The following CEP97 variants were observed in gnomAD, a reference collection of about 807,000 sequenced individuals.
CEP97 encodes the protein centrosomal protein 97.
A neutral mutation model predicts 73.1 loss-of-function variants in CEP97; 43 were observed. The observed-to-expected ratio is 0.59, with a 90% CI of 0.46 to 0.76. The LOEUF (loss-of-function observed/expected upper bound fraction) is 0.76, where lower values mean the gene tolerates loss of function less well. Ranked by LOEUF, CEP97 falls within the 30% of genes least tolerant of loss-of-function variation. The probability of loss-of-function intolerance (pLI) is 0.00; values close to 1 mark genes in which losing one functional copy is unlikely to be tolerated. For missense variants in CEP97, 939 were observed against 1,014.0 expected (o/e 0.93, Z 1.00); for synonymous variants, 337 against 370.0 (o/e 0.91, Z 1.02).
intron 9 of CEP97, chr3:101,758,723 A>G (rs1939090553): frequency 3.6e-6 from 1 of 277,808 alleles, no homozygotes. Flanking sequence ...GGTACAGAAA[A>G]CATTGAAAAA....
At position 101,769,948 on chromosome 3, in the gene CEP97, A is replaced by G. The variant is rs1939418978; in HGVS notation, c.*4397A>G. 6.6e-6 allele frequency: 1 copy of G among 152,232 alleles called. No homozygotes were observed. The highest frequency in any genetic ancestry group is 2.4e-5 in the African/African-American group (1 of 41,466). 9.4% of individuals were successfully genotyped at this position (152,232 alleles called of 1,614,324 possible). ...GCTTTTTATCTGTGGATGAATGGAA[A>G]TCACACTGAATTTTAATTCTTATTT... On this transcript the variant is annotated 3_prime_UTR_variant, in exon 11 of 11. Transcript: ENST00000341893.
At chr3:101,729,528 T>C (rs1487713341) in intron 4 of CEP97, among the ~76,000 whole-genome samples, 3 of 152,164 alleles carry the variant, frequency 2.0e-5, no homozygotes, top group African/African-American at 7.2e-5. Flanking sequence ...TCAGTTATTA[T>C]ATAGTACATA....
At chr3:101,737,802 C>T (rs900576495) in intron 6 of CEP97, among the ~76,000 whole-genome samples, 5 of 152,070 alleles carry the variant, frequency 3.3e-5, no homozygotes, top group South Asian at 2.1e-4. Flanking sequence ...AAATAACCAG[C>T]TAGCATCAAA....
intron 6 of CEP97, among the ~76,000 whole-genome samples, chr3:101,747,106 T>C (rs1301126622): frequency 6.7e-6 from 1 of 149,886 alleles, no homozygotes; most frequent in Non-Finnish European, 1.5e-5. Flanking sequence ...TCAACCATTG[T>C]GGAAGTCAGT....
At position 101,762,471 on chromosome 3, in the gene CEP97, T is replaced by C. The variant is rs1939197895; in HGVS notation, c.1818-14T>C. ...CCCTTCCTTATGTCAATAATGTGTTTTGAATTATTGTAGATTACGAAAAGA... is the reference window on the plus strand; with the variant it reads ...CCCTTCCTTATGTCAATAATGTGTTCTGAATTATTGTAGATTACGAAAAGA... On this transcript the variant is annotated splice_polypyrimidine_tract_variant and intron_variant, in intron 9 of 10. Coordinates refer to ENST00000341893, the MANE Select transcript of CEP97 (RefSeq NM_024548.4). 2.6e-6 allele frequency: 4 copies of C among 1,563,442 alleles called. No homozygotes were observed. Among genetic ancestry groups the C allele is most frequent in the Non-Finnish European group, 3.5e-6 (4 of 1,138,686 alleles).
In CEP97 at chr3:101,757,079, T is replaced by C. The variant is rs565761991; in HGVS notation, c.910T>C (p.Leu304=). ...LSKQRFHQRQ[L]MNQSQNEELS... ...GATTTTTAGGTTTCACCAGAGGCAG[T>C]TGATGAACCAAAGCCAAAATGAAGA... The change falls in exon 8 of 11, where the codon TTG becomes CTG. Residue 304 remains leucine, a synonymous_variant. Transcript: ENST00000341893. 3.7e-6 allele frequency: 6 copies of C among 1,610,360 alleles called. No homozygotes were observed. The South Asian group carries it at 4.4e-5, about 12-fold the overall frequency.
intron 6 of CEP97, 37 bp downstream of exon 6, chr3:101,732,691 A>G: frequency 1.9e-6 from 3 of 1,540,756 alleles, no homozygotes; most frequent in Non-Finnish European, 2.7e-6. Context: ...AATGTTACTG[A>G]AAAGACCATT....
At chr3:101,731,780 C>T (rs1253055734) in intron 4 of CEP97, 60 bp from the exon 5 acceptor site, 1 of 951,820 alleles carries the variant, frequency 1.1e-6, no homozygotes, top group Admixed American at 1.9e-5. Flanking sequence ...GGTGTTGTCA[C>T]AATAGGCCAA....
intron 8 of CEP97, 143 bp from the exon 9 acceptor site, chr3:101,757,491 T>A (rs866434048): frequency 6.5e-6 from 5 of 765,850 alleles, no homozygotes; most frequent in Middle Eastern, 3.8e-4. Flanking sequence ...AATGTTTGGT[T>A]TGATGTTTTC....
intron 1 of CEP97, among the ~76,000 whole-genome samples, chr3:101,726,035 A>G (rs541928805): frequency 5.3e-5 from 8 of 152,324 alleles, no homozygotes; most frequent in East Asian, 3.9e-4. Context: ...TTGAACGTCT[A>G]TGTTATACTA....
chr3:101,740,639 G>A (rs1938420777), intron 6 of CEP97, among the ~76,000 whole-genome samples: 1 of 151,960 alleles, frequency 6.6e-6, no homozygotes, highest in Non-Finnish European at 1.5e-5. Context: ...GCCCAGGCTG[G>A]AGTGCAATGG....
Position 101,765,548 on chromosome 3 carries a change from GT to G in CEP97, c.2596del (p.Ter866SerfsTer11). On this transcript the variant is annotated frameshift_variant and stop_lost, in exon 11 of 11. Coordinates refer to ENST00000341893, the MANE Select transcript of CEP97 (RefSeq NM_024548.4). LOFTEE classifies it high-confidence loss of function. ...FQLLHVGVTV[*>X] is the part of the protein sequence containing the mutation. ...AGCTATTGCATGTTGGTGTTACTGT[GT>G]AGCATGTCTTTTGGGAGGCAGATAT... The G allele has an allele frequency of 1.9e-6, 3 of 1,593,080 alleles. No individual in the cohort carries two copies. The highest frequency in any genetic ancestry group is 1.7e-6 in the Non-Finnish European group (2 of 1,166,168).
chr3:101,750,055 A>G (rs1486570900), intron 6 of CEP97, among the ~76,000 whole-genome samples: 1 of 143,706 alleles, frequency 7.0e-6, no homozygotes, highest in Non-Finnish European at 1.5e-5. Flanking sequence ...GTGTTTAGAC[A>G]TGAAGTCCTT....
At position 101,732,517 on chromosome 3, in the gene CEP97, G is replaced by A. The variant is rs1938145116; in HGVS notation, c.591G>A (p.Leu197=). ...CTTTTTTGGCATCCTTAACTGAATTGGAACAGTTGTCGATTATGAACAATC... is the reference window on the plus strand; with the variant it reads ...CTTTTTTGGCATCCTTAACTGAATTAGAACAGTTGTCGATTATGAACAATC... ...EISFLASLTE[L]EQLSIMNNPC... Residue 197 remains leucine, a synonymous_variant, in exon 6 of 11, where the codon TTG becomes TTA. Coordinates refer to ENST00000341893, the MANE Select transcript of CEP97 (RefSeq NM_024548.4). The A allele has an allele frequency of 6.2e-7, 1 of 1,610,846 alleles. No homozygotes were observed. Among genetic ancestry groups the A allele is most frequent in the African/African-American group, 1.3e-5 (1 of 74,954 alleles).
In CEP97 at chr3:101,767,334, CT is replaced by C. The variant is rs545912852; in HGVS notation, c.*1790del. The stretch of plus-strand genomic sequence containing the variant: ...TGTTAAATAAAAATGGAATTTCTAA[CT>C]TTTTTTCAATAGTGCTAATTATCTT... On this transcript the variant is annotated 3_prime_UTR_variant, in exon 11 of 11. Transcript: ENST00000341893. 2.6e-5 allele frequency: 4 copies of C among 152,222 alleles called. No individual in the cohort carries two copies. The highest frequency in any genetic ancestry group is 2.1e-4 in the South Asian group (1 of 4,822). The allele number at this position is 152,222 out of a possible 1,614,324, so 9.4% of individuals were successfully genotyped here.
intron 3 of CEP97, among the ~76,000 whole-genome samples, chr3:101,728,421 T>G (rs2107128120): frequency 6.6e-6 from 1 of 152,178 alleles, no homozygotes; most frequent in Non-Finnish European, 1.5e-5. Flanking sequence ...CCACCATGCC[T>G]GGCTAATTTT....
Position 101,757,665 on chromosome 3 carries a change from G to C in CEP97, c.1059G>C (p.Gly353=). 1 of 1,613,934 alleles carries C rather than the reference G, an allele frequency of 6.2e-7. No homozygotes were observed. Among genetic ancestry groups the C allele is most frequent in the South Asian group, 1.1e-5 (1 of 91,068 alleles). Residue 353 remains glycine (G), a synonymous_variant, in exon 9 of 11, where the codon GGG becomes GGC. Coordinates refer to ENST00000341893, the MANE Select transcript of CEP97 (RefSeq NM_024548.4). ...TCATTCAAGTGAATTCTTGGGTTGG[G>C]ATAAACAGTAATGATGATCAGTTAT... ...EPVIQVNSWV[G]INSNDDQLFA... is the part of the protein sequence containing the mutation.
intron 6 of CEP97, 126 bp downstream of exon 6, chr3:101,732,780 A>C: frequency 1.4e-6 from 1 of 727,916 alleles, no homozygotes; most frequent in African/African-American, 1.8e-5. Flanking sequence ...GTCATGTAGC[A>C]GACTATATGC....
At chr3:101,730,955 ATT>A (rs531615738) in intron 4 of CEP97, among the ~76,000 whole-genome samples, 46 of 139,378 alleles carry the variant, frequency 3.3e-4, no homozygotes, top group Middle Eastern at 7.3e-3. Context: ...AGATGATTGA[ATT>A]TTTTTTTTTT....
Sources: allele counts gnomAD v4.1 joint callset (sites outside exome capture counted in the v4.1 genomes callset), GRCh38; gene constraint gnomAD v4.1.1; transcripts MANE v1.5; gene names NCBI Gene and HGNC (gene_info 2026-07-23, HGNC 2026-07-21).